LYPD4: variants seen among roughly 807,000 people sequenced by gnomAD.
The protein encoded by LYPD4 is ly6/PLAUR domain-containing protein 4.
In LYPD4, 20 loss-of-function variants were observed where a neutral mutation model predicts 18.2. The ratio of observed to expected loss-of-function variants is 1.10; its 90% CI spans 0.77 to 1.59. The LOEUF is 1.59. LYPD4 is among the 40% of genes most tolerant of loss of function. The pLI, the probability that LYPD4 is intolerant of heterozygous loss-of-function variation, is 0.00. For synonymous variants in LYPD4, 111 were observed against 118.3 expected (o/e 0.94, Z 0.40); for missense variants, 278 against 300.3 (o/e 0.93, Z 0.55).
At chr19:41,842,550 G>T (rs1317382725) in intron 1 of LYPD4, among the ~76,000 whole-genome samples, 3 of 151,720 alleles carry the variant, frequency 2.0e-5, no homozygotes, top group Admixed American at 2.0e-4. Context: ...CTGAGGTCAG[G>T]AGTTCAAGAC....
intron 1 of LYPD4, among the ~76,000 whole-genome samples, chr19:41,840,331 G>GT (rs2073540594): frequency 6.6e-6 from 1 of 152,104 alleles, no homozygotes; most frequent in Non-Finnish European, 1.5e-5. Flanking sequence ...GGAGGCTGAG[G>GT]TGGGAGGACC....
Position 41,838,123 on chromosome 19 carries a change from T to G in LYPD4, c.350A>C (p.Asn117Thr). 2 of 1,613,846 alleles carry G rather than the reference T, an allele frequency of 1.2e-6. No homozygotes were observed. Among genetic ancestry groups the G allele is most frequent in the Non-Finnish European group, 1.7e-6 (2 of 1,179,884 alleles). ...SRVCRSYLCN[N>T]LTNLEPFVKL... The stretch of plus-strand genomic sequence containing the variant: ...CACAAAAGGCTCCAAATTGGTGAGG[T>G]TGTTGCAGAGATAAGACCGGCAGAC... The change falls in exon 4 of 5, where the codon AAC becomes ACC. Residue 117 changes from asparagine (N) to threonine (T), a missense_variant. Coordinates refer to ENST00000609812, the MANE Select transcript of LYPD4 (RefSeq NM_173506.7).
At chr19:41,835,909 A>G (rs1303805804), downstream of LYPD4, 21 of 864,138 alleles carry the variant, frequency 2.4e-5, no homozygotes, top group Non-Finnish European at 2.9e-5. Flanking sequence ...ATAAGGTTGT[A>G]GTAAGGATGA....
At chr19:41,836,089 C>T (rs1555830228), downstream of LYPD4, 2 of 117,856 alleles carry the variant, frequency 1.7e-5, no homozygotes, top group Admixed American at 9.2e-5. Flanking sequence ...CAAACTCTGT[C>T]TCACACACAC....
At position 41,837,316 on chromosome 19, in the gene LYPD4, C is replaced by A; in HGVS notation, c.568G>T (p.Gly190Trp). The change falls in exon 5 of 5, where the codon GGG becomes TGG. Residue 190 changes from glycine (G) to tryptophan (W), a missense_variant. Physicochemically the swap from Gly to Trp is radical, Grantham distance 184 (BLOSUM62 -2). Transcript: ENST00000609812. ...AGCTGGTTATGTTCACGAGCACACC[C>A]CATGAGGAGGAAGGTGGTATTGAGA... is the stretch of plus-strand genomic sequence containing the variant. Reference protein sequence around the residue: ...GFLNTTFLLMGCAREHNQLLA... With the variant: ...GFLNTTFLLMWCAREHNQLLA... The A allele has an allele frequency of 6.2e-7, 1 of 1,613,948 alleles. No homozygotes were observed. Among genetic ancestry groups the A allele is most frequent in the Non-Finnish European group, 8.5e-7 (1 of 1,179,914 alleles).
At position 41,837,260 on chromosome 19, in the gene LYPD4, G is replaced by T. The variant is rs2073395395; in HGVS notation, c.624C>A (p.Ile208=). 1 of 1,614,054 alleles carries T rather than the reference G, an allele frequency of 6.2e-7. No homozygotes were observed. Among genetic ancestry groups the T allele is most frequent in the Non-Finnish European group, 8.5e-7 (1 of 1,179,976 alleles). The change falls in exon 5 of 5, where the codon ATC becomes ATA. Residue 208 remains isoleucine (I), a synonymous_variant. Transcript: ENST00000609812. ...AGATGTTGAGGACCTCAGTCACTTT[G>T]ATGCTCCCAATATGATGAAAATCTG... is the stretch of plus-strand genomic sequence containing the variant. The part of the protein sequence containing the change: ...LLADFHHIGS[I]KVTEVLNILE...
In LYPD4 at chr19:41,838,772, T is replaced by TAC. The variant is rs113100279; in HGVS notation, c.211+108_211+109insGT. The TAC allele has an allele frequency of 4.0e-5, 30 of 745,326 alleles. 1 individual carries two copies. Among genetic ancestry groups the TAC allele is most frequent in the African/African-American group, 3.4e-4 (19 of 55,456 alleles). 46.2% of individuals were successfully genotyped at this position (745,326 alleles called of 1,614,324 possible). ...AAATATATATACATATATATATATA[T>TAC]GTATAGTAACTATGTGGAATTCTAA... On this transcript the variant is annotated intron_variant, in intron 3 of 4. Transcript: ENST00000609812.
In LYPD4 at chr19:41,839,023, C is replaced by T; in HGVS notation, c.69G>A (p.Arg23=). 1 of 1,613,208 alleles carries T rather than the reference C, an allele frequency of 6.2e-7. No homozygotes were observed. Among genetic ancestry groups the T allele is most frequent in the Non-Finnish European group, 8.5e-7 (1 of 1,179,868 alleles). Residue 23 remains arginine, a splice_region_variant and synonymous_variant, in exon 3 of 5, where the codon CGG becomes CGA. Coordinates refer to ENST00000609812, the MANE Select transcript of LYPD4 (RefSeq NM_173506.7). The stretch of plus-strand genomic sequence containing the variant: ...CTTCATAGCACAAAAGAGCTCCAGC[C>T]CCTAAAAAGAGAATGCTCTCCCAGT... ...CLLGAISTLP[R]AGALLCYEAT... is the part of the protein sequence containing the mutation.
At position 41,840,735 on chromosome 19, in the gene LYPD4, C is replaced by T. The variant is rs1367174732; in HGVS notation, c.-120-1330G>A. On this transcript the variant is annotated intron_variant, in intron 1 of 4. Coordinates refer to ENST00000609812, the MANE Select transcript of LYPD4 (RefSeq NM_173506.7). The stretch of plus-strand genomic sequence containing the variant: ...GTCCCAACTACTTGGGAGGCTGAGG[C>T]AGGAGAATGGTGTGAACCCGGGAGG... Among the ~76,000 whole-genome samples, 5 of 151,480 alleles carry T rather than the reference C, an allele frequency of 3.3e-5. No individual in the cohort carries two copies. In the East Asian group the frequency reaches 9.7e-4, roughly 29 times the overall value.
At position 41,838,915 on chromosome 19, in the gene LYPD4, C is replaced by T. The variant is rs2073474882; in HGVS notation, c.177G>A (p.Glu59=). The part of the protein sequence containing the change: ...LMRNMVCKLQ[E]GCEETLVFIE... The stretch of plus-strand genomic sequence containing the variant: ...TGAACACTAGCGTCTCCTCGCAGCC[C>T]TCTTGCAGCTTACACACCATGTTCC... The change falls in exon 3 of 5, where the codon GAG becomes GAA. Residue 59 remains glutamate, a synonymous_variant. Coordinates refer to ENST00000609812, the MANE Select transcript of LYPD4 (RefSeq NM_173506.7). The T allele has an allele frequency of 1.2e-6, 2 of 1,614,010 alleles. No homozygotes were observed. Among genetic ancestry groups the T allele is most frequent in the African/African-American group, 2.7e-5 (2 of 74,980 alleles).
chr19:41,840,004 G>T (rs1465451281), intron 1 of LYPD4, among the ~76,000 whole-genome samples: 1 of 151,266 alleles, frequency 6.6e-6, no homozygotes, highest in Non-Finnish European at 1.5e-5. Context: ...AACCGAGATC[G>T]CGCCACTGCA....
At chr19:41,843,060 AAAAAAAAAAAAAAAAAACC>A (rs2073683168) in intron 1 of LYPD4, among the ~76,000 whole-genome samples, 2 of 55,120 alleles carry the variant, frequency 3.6e-5, no homozygotes, top group African/African-American at 1.6e-4. Flanking sequence ...AAAAAAAAAA[AAAAAAAAAAAAAAAAAACC>A]CCAACAACAA....
chr19:41,842,078 G>A (rs1555833665), intron 1 of LYPD4, among the ~76,000 whole-genome samples: 1 of 152,000 alleles, frequency 6.6e-6, no homozygotes, highest in Non-Finnish European at 1.5e-5. Context: ...CTGAGACTGG[G>A]TCTCGCTCTG....
downstream of LYPD4, among the ~76,000 whole-genome samples, chr19:41,836,429 T>TTGAGCAGG: frequency 6.6e-6 from 1 of 151,022 alleles, no homozygotes; most frequent in Admixed American, 6.6e-5. Flanking sequence ...AGATGCTACT[T>TTGAGCAGG]TGAGCAGGTT....
chr19:41,840,354 G>C (rs1277932112), intron 1 of LYPD4, among the ~76,000 whole-genome samples: 1 of 152,018 alleles, frequency 6.6e-6, no homozygotes, highest in African/African-American at 2.4e-5. Flanking sequence ...TTGAGCCCCG[G>C]GGATGGAGGT....
In LYPD4 at chr19:41,837,189, G is replaced by A. The variant is rs782482963; in HGVS notation, c.695C>T (p.Pro232Leu). 6 of 1,613,944 alleles carry A rather than the reference G, an allele frequency of 3.7e-6. No individual in the cohort carries two copies. The South Asian group carries it at 6.6e-5, about 18-fold the overall frequency. ...IVGAASSRQD[P>L]AWGVVLGLLF... Reference sequence around the variant, plus strand: ...GAGGCCTAAGACGACACCCCAAGCAGGATCTTGCCTGGAGGATGCTGCACC... The same window carrying A: ...GAGGCCTAAGACGACACCCCAAGCAAGATCTTGCCTGGAGGATGCTGCACC... Residue 232 changes from proline to leucine, a missense_variant, in exon 5 of 5, where the codon CCT becomes CTT. Coordinates refer to ENST00000609812, the MANE Select transcript of LYPD4 (RefSeq NM_173506.7).
downstream of LYPD4, chr19:41,835,099 AT>A (rs1395803604): frequency 6.6e-6 from 1 of 152,206 alleles, no homozygotes; most frequent in African/African-American, 2.4e-5. Context: ...AACAATATTT[AT>A]TGTTTAAAGG....
intron 1 of LYPD4, among the ~76,000 whole-genome samples, chr19:41,843,079 C>CAAAAAA (rs2073694851): frequency 1.5e-4 from 1 of 6,580 alleles, no homozygotes; most frequent in African/African-American, 3.9e-4. Flanking sequence ...AAAAAAAAAC[C>CAAAAAA]CCAACAACAA....
chr19:41,836,962 G>A, downstream of LYPD4: 2 of 1,217,582 alleles, frequency 1.6e-6, no homozygotes, highest in Non-Finnish European at 2.2e-6. Context: ...TGCTGGGCAG[G>A]ACACTGTCAC....
Sources: gnomAD v4.1 joint callset for allele counts (sites outside exome capture counted in the v4.1 genomes callset) on GRCh38, gnomAD v4.1.1 for gene constraint, MANE v1.5 for transcripts, NCBI Gene and HGNC (gene_info 2026-07-23, HGNC 2026-07-21) for gene names.